CCDC152: variants seen among roughly 807,000 people sequenced by gnomAD.
CCDC152 encodes the protein coiled-coil domain containing 152, also known as coiled-coil domain-containing protein 152.
A neutral mutation model predicts 38.1 loss-of-function variants in CCDC152; 37 were observed. The ratio of observed to expected loss-of-function variants is 0.97; its 90% CI spans 0.75 to 1.28. CCDC152 has a LOEUF of 1.28. Ranked by LOEUF, CCDC152 falls within the 50% of genes most tolerant of loss-of-function variation. The probability of loss-of-function intolerance (pLI) is 0.00; values close to 1 mark genes in which losing one functional copy is unlikely to be tolerated. For synonymous variants in CCDC152, 83 were observed against 87.1 expected (o/e 0.95, Z 0.26); for missense variants, 259 against 292.1 (o/e 0.89, Z 0.83).
chr5:42,780,327 C>T (rs962996989), intron 5 of CCDC152, among the ~76,000 whole-genome samples: 3 of 152,246 alleles, frequency 2.0e-5, no homozygotes, highest in Non-Finnish European at 4.4e-5. Flanking sequence ...AGCATTCTGG[C>T]TATGCTCTTA....
Position 42,796,927 on chromosome 5 carries a change from CAAAAT to C in CCDC152, c.530_534del (p.Gln177ArgfsTer10). Reference sequence around the variant, plus strand: ...GCTAAGAAGTCAAGAAAAAGAAAAACAAAATGAAATAATCAAGCTACAACTAGAAG... The same window carrying C: ...GCTAAGAAGTCAAGAAAAAGAAAAACGAAATAATCAAGCTACAACTAGAAG... On this transcript the variant is annotated frameshift_variant, in exon 7 of 9. Transcript: ENST00000361970. LOFTEE classifies it high-confidence loss of function. The C allele has an allele frequency of 1.3e-6, 2 of 1,523,244 alleles. No homozygotes were observed. Among genetic ancestry groups the C allele is most frequent in the Non-Finnish European group, 1.8e-6 (2 of 1,138,650 alleles). 94.4% of individuals were successfully genotyped at this position (1,523,244 alleles called of 1,614,324 possible). A position where few individuals can be genotyped will look rare whatever the true frequency, so the allele number is the denominator to read the frequency against.
At chr5:42,765,826 G>A (rs1382240031) in intron 3 of CCDC152, among the ~76,000 whole-genome samples, 1 of 152,054 alleles carries the variant, frequency 6.6e-6, no homozygotes, top group Middle Eastern at 3.2e-3. Context: ...AAGACATCAG[G>A]GAGATTCTCC....
intron 6 of CCDC152, among the ~76,000 whole-genome samples, chr5:42,792,243 GTTC>G (rs550519160): frequency 6.6e-6 from 1 of 152,154 alleles, no homozygotes; most frequent in South Asian, 2.1e-4. Context: ...CATCTCTGGA[GTTC>G]TTCAAATCTA....
chr5:42,757,288 T>G (rs559422210), intron 1 of CCDC152, among the ~76,000 whole-genome samples: 2 of 148,464 alleles, frequency 1.3e-5, no homozygotes, highest in South Asian at 2.2e-4. Context: ...TGAGGGGAGG[T>G]GAGGAGGAAA....
intron 6 of CCDC152, among the ~76,000 whole-genome samples, chr5:42,790,267 T>G (rs945889308): frequency 6.6e-6 from 1 of 151,970 alleles, no homozygotes; most frequent in Non-Finnish European, 1.5e-5. Context: ...AGGTTGGGAG[T>G]TCGAGTTCAG....
At chr5:42,773,035 G>T (rs998257001) in intron 4 of CCDC152, among the ~76,000 whole-genome samples, 23 of 152,132 alleles carry the variant, frequency 1.5e-4, no homozygotes, top group African/African-American at 5.1e-4. Context: ...ATGTTCTTCT[G>T]GTTGTTATAA....
chr5:42,796,302 G>C (rs1406319274), intron 6 of CCDC152, among the ~76,000 whole-genome samples: 2 of 151,134 alleles, frequency 1.3e-5, no homozygotes, highest in African/African-American at 4.9e-5. Context: ...GGGGCTTGTA[G>C]ATTGTCTCCT....
At position 42,802,377 on chromosome 5, in the gene CCDC152, T is replaced by C. The variant is rs751537494; in HGVS notation, c.*2596T>C. ...GAACCCAAAGACTCACTAAGTGATA[T>C]GCTTTTGATGTTTTGAAGGTTTTAA... On this transcript the variant is annotated 3_prime_UTR_variant, in exon 9 of 9. Transcript: ENST00000361970. 3 of 152,346 alleles carry C rather than the reference T, an allele frequency of 2.0e-5. No homozygotes were observed. Among genetic ancestry groups the C allele is most frequent in the African/African-American group, 7.2e-5 (3 of 41,578 alleles). The allele number at this position is 152,346 out of a possible 1,614,324, so 9.4% of individuals were successfully genotyped here. A position where few individuals can be genotyped will look rare whatever the true frequency, so the allele number is the denominator to read the frequency against.
chr5:42,758,548 C>A (rs181032145), intron 1 of CCDC152, among the ~76,000 whole-genome samples: 135 of 152,312 alleles, frequency 8.9e-4, no homozygotes, highest in African/African-American at 3.0e-3. Context: ...AAATAGCCAG[C>A]ATTTACATTC....
rs202187068 is a variant in CCDC152 at position 42,774,304 on chromosome 5, TGTAA to T, written c.262+4642_262+4645del. ...TCCCATAGGAGAGCCCCTATAGTTTTGTAAGTTTTACCTGTGAGAGCTCTACTAA... is the reference window on the plus strand; with the variant it reads ...TCCCATAGGAGAGCCCCTATAGTTTTGTTTTACCTGTGAGAGCTCTACTAA... On this transcript the variant is annotated intron_variant, in intron 4 of 8. Coordinates refer to ENST00000361970, the MANE Select transcript of CCDC152 (RefSeq NM_001134848.2). Among the ~76,000 whole-genome samples, 1,387 of 152,296 alleles carry T rather than the reference TGTAA, an allele frequency of 9.1e-3. 21 individuals carry two copies. The highest frequency in any genetic ancestry group is 0.032 in the African/African-American group (1,324 of 41,548).
chr5:42,785,480 G>A (rs1053884077), intron 6 of CCDC152, among the ~76,000 whole-genome samples: 1 of 151,990 alleles, frequency 6.6e-6, no homozygotes, highest in Non-Finnish European at 1.5e-5. Context: ...TCATTTGTCA[G>A]GTCTAGGGGG....
chr5:42,762,384 T>C, intron 2 of CCDC152, 59 bp from the exon 3 acceptor site: 1 of 900,462 alleles, frequency 1.1e-6, no homozygotes, highest in Non-Finnish European at 1.7e-6. Context: ...ATATACTTAA[T>C]AAAAAATTAA....
At chr5:42,786,270 G>C (rs1759920275) in intron 6 of CCDC152, among the ~76,000 whole-genome samples, 1 of 151,906 alleles carries the variant, frequency 6.6e-6, no homozygotes, top group Non-Finnish European at 1.5e-5. Flanking sequence ...TGTTGTTGTT[G>C]TTGGTATATT....
chr5:42,763,836 CAG>C (rs762136050), intron 3 of CCDC152, among the ~76,000 whole-genome samples: 6 of 152,044 alleles, frequency 3.9e-5, no homozygotes, highest in Non-Finnish European at 7.4e-5. Flanking sequence ...GATGAAACCA[CAG>C]AAAAACTAGA....
intron 2 of CCDC152, 44 bp from the exon 3 acceptor site, chr5:42,762,399 G>A: frequency 9.9e-7 from 1 of 1,005,210 alleles, no homozygotes; most frequent in Non-Finnish European, 1.5e-6. Flanking sequence ...AATTAAACTA[G>A]CAGCATTGAT....
Position 42,769,680 on chromosome 5 carries a change from A to G in CCDC152, c.262+15A>G. On this transcript the variant is annotated intron_variant, in intron 4 of 8. Transcript: ENST00000361970. ...GAATTTGAAAGGTAAGTTAGAAAAAAAAGTAAAATCTAAAAAAGCATTGTG... is the reference window on the plus strand; with the variant it reads ...GAATTTGAAAGGTAAGTTAGAAAAAGAAGTAAAATCTAAAAAAGCATTGTG... 1 of 1,468,774 alleles carries G rather than the reference A, an allele frequency of 6.8e-7. No individual in the cohort carries two copies. The highest frequency in any genetic ancestry group is 9.0e-7 in the Non-Finnish European group (1 of 1,108,442). The allele number at this position is 1,468,774 out of a possible 1,614,324, so 91.0% of individuals were successfully genotyped here.
intron 4 of CCDC152, among the ~76,000 whole-genome samples, chr5:42,776,082 A>T (rs899195917): frequency 1.3e-5 from 2 of 152,164 alleles, no homozygotes; most frequent in Non-Finnish European, 2.9e-5. Context: ...AATACGGTAG[A>T]TATTAATCCA....
At chr5:42,779,311 A>G (rs1231421724) in intron 4 of CCDC152, 147 bp from the exon 5 acceptor site, 3 of 587,816 alleles carry the variant, frequency 5.1e-6, no homozygotes, top group Non-Finnish European at 9.3e-6. Flanking sequence ...TCATATTCTC[A>G]GTGTCTAGCA....
chr5:42,794,206 G>A (rs1409786527), intron 6 of CCDC152, among the ~76,000 whole-genome samples: 2 of 152,192 alleles, frequency 1.3e-5, no homozygotes, highest in Non-Finnish European at 2.9e-5. Context: ...TAAAGTTGCT[G>A]CAGTCAGAAA....
Sources: gnomAD v4.1 joint callset for allele counts (sites outside exome capture counted in the v4.1 genomes callset) on GRCh38, gnomAD v4.1.1 for gene constraint, MANE v1.5 for transcripts, NCBI Gene and HGNC (gene_info 2026-07-23, HGNC 2026-07-21) for gene names.